GSE1: variants seen among roughly 807,000 people sequenced by gnomAD.
GSE1 encodes the protein genetic suppressor element 1.
Under a neutral mutation model 112.6 loss-of-function variants are expected in GSE1, and 32 were observed. That is an observed-to-expected ratio of 0.28 (90% CI 0.21 to 0.38). The LOEUF is 0.38. Among genes scored for constraint, GSE1 ranks in the 10% least tolerant of loss-of-function variants. GSE1 has a pLI of 1.00. For missense variants in GSE1, 2,348 were observed against 1,699.2 expected (o/e 1.38, Z -6.71); for synonymous variants, 1,115 against 735.6 (o/e 1.52, Z -8.35).
intron 1 of GSE1, among the ~76,000 whole-genome samples, chr16:85,188,478 A>C (rs2074755284): frequency 6.6e-6 from 1 of 152,114 alleles, no homozygotes; most frequent in South Asian, 2.1e-4. Context: ...CTTTTAGTCC[A>C]GGTGAATCAG....
rs1480988927 is a variant in GSE1, at chr16:85,604,967, T to G, written c.38-43585T>G. Among the ~76,000 whole-genome samples, 44 of 143,178 alleles carry G rather than the reference T, an allele frequency of 3.1e-4. 1 individual carries two copies. The East Asian group carries it at 3.4e-3, about 11-fold the overall frequency. 93.9% of individuals were successfully genotyped at this position (143,178 alleles called of 152,430 possible). ...CGAGTAGCTGGGACTACAGGCGCCC[T>G]CCACCACGCCCGGCTAGTTTTTTGT... On this transcript the variant is annotated intron_variant, in intron 1 of 2. Transcript: ENST00000635906.
intron 1 of GSE1, among the ~76,000 whole-genome samples, chr16:85,349,570 C>T (rs2046811499): frequency 6.6e-6 from 1 of 152,048 alleles, no homozygotes; most frequent in South Asian, 2.1e-4. Context: ...GGGAGGTGCT[C>T]CTGGGCTGGC....
intron 2 of GSE1, among the ~76,000 whole-genome samples, chr16:85,642,842 C>A (rs1189797697): frequency 6.6e-6 from 1 of 152,184 alleles, no homozygotes; most frequent in Non-Finnish European, 1.5e-5. Context: ...GTGCCCTGCC[C>A]TCCCCTTTCC....
At chr16:85,605,593 G>T (rs2047670109) in intron 1 of GSE1, among the ~76,000 whole-genome samples, 2 of 152,102 alleles carry the variant, frequency 1.3e-5, no homozygotes, top group East Asian at 3.9e-4. Context: ...AAGGAAACGG[G>T]TGTGCAGTGG....
chr16:85,324,522 A>AG (rs2046185359), intron 1 of GSE1, among the ~76,000 whole-genome samples: 1 of 151,998 alleles, frequency 6.6e-6, no homozygotes, highest in Non-Finnish European at 1.5e-5. Flanking sequence ...AAAAAAAAAA[A>AG]AAAAGAAAAA....
In GSE1 at chr16:85,264,853, G is replaced by A. The variant is rs548821216; in HGVS notation, c.2284-92610G>A. On this transcript the variant is annotated intron_variant, in intron 1 of 2. Coordinates refer to the GSE1 transcript ENST00000637419. ...GGTGAGGGGGTTGGGCTGAGTCCTCGCATTTGGAGATCAGACGCCCTGGGT... is the reference window on the plus strand; with the variant it reads ...GGTGAGGGGGTTGGGCTGAGTCCTCACATTTGGAGATCAGACGCCCTGGGT... Among the ~76,000 whole-genome samples, 80 of 152,298 alleles carry A rather than the reference G, an allele frequency of 5.3e-4. 1 individual carries two copies. Among genetic ancestry groups the A allele is most frequent in the African/African-American group, 1.9e-3 (78 of 41,554 alleles).
At chr16:85,354,937 G>A (rs897956902) in intron 1 of GSE1, among the ~76,000 whole-genome samples, 2 of 152,226 alleles carry the variant, frequency 1.3e-5, no homozygotes, top group Non-Finnish European at 2.9e-5. Context: ...GTCCTGATGG[G>A]CTTACCCTGG....
chr16:85,657,513 G>T lies in GSE1; in HGVS notation c.1549G>T (p.Glu517Ter). 6.2e-7 allele frequency: 1 copy of T among 1,605,236 alleles called. No individual in the cohort carries two copies. Among genetic ancestry groups the T allele is most frequent in the Non-Finnish European group, 8.5e-7 (1 of 1,176,402 alleles). ...GGAGGACCGGCAGTCTCAGGTGTCC[G>T]AGTTCCGGCAGCAGGTGCTGGAGCA... ...EKEDRQSQVS[E>*]FRQQVLEQHL... The change falls in exon 8 of 16, where the codon GAG (glutamate) becomes TAG (stop). Residue 517 changes from glutamate to a stop codon, truncating the protein, a stop_gained. Coordinates refer to ENST00000253458, the MANE Select transcript of GSE1 (RefSeq NM_014615.5). LOFTEE classifies it high-confidence loss of function.
chr16:85,633,426 C>A (rs1296266148), intron 1 of GSE1, among the ~76,000 whole-genome samples: 1 of 152,228 alleles, frequency 6.6e-6, no homozygotes, highest in Non-Finnish European at 1.5e-5. Flanking sequence ...GCCATGCGTG[C>A]CTGGCATCGT....
chr16:85,656,385 G>C lies in GSE1; in HGVS notation c.1032G>C (p.Glu344Asp). 1 of 1,564,050 alleles carries C rather than the reference G, an allele frequency of 6.4e-7. No individual in the cohort carries two copies. The highest frequency in any genetic ancestry group is 8.7e-7 in the Non-Finnish European group (1 of 1,150,218). ...AGCTAAGGCGGGAGAGGGAGCGCGA[G>C]CGCGAGCGCGAGCGTGAGCGTGAGG... ...DEELRRERER[E>D]REREREREAD... The change falls in exon 7 of 16, where the codon GAG becomes GAC. Residue 344 changes from glutamate (E) to aspartate (D), a missense_variant. Physicochemically the swap from Glu to Asp is conservative, Grantham distance 45 (BLOSUM62 2). Coordinates refer to ENST00000253458, the MANE Select transcript of GSE1 (RefSeq NM_014615.5).
At chr16:85,330,623 G>A (rs1214674824) in intron 1 of GSE1, among the ~76,000 whole-genome samples, 1 of 152,240 alleles carries the variant, frequency 6.6e-6, no homozygotes, top group South Asian at 2.1e-4. Flanking sequence ...GATCCAGGAA[G>A]CGTGCAGGTG....
upstream of GSE1, chr16:85,555,848 TA>T: frequency 1.1e-6 from 1 of 907,116 alleles, no homozygotes; most frequent in Non-Finnish European, 1.3e-6. Flanking sequence ...TTCAAATGAG[TA>T]ATCCCTGAAG....
In GSE1 at chr16:85,345,008, C is replaced by T. The variant is rs570061637; in HGVS notation, c.2284-12455C>T. Among the ~76,000 whole-genome samples, 19 of 152,368 alleles carry T rather than the reference C, an allele frequency of 1.2e-4. No individual in the cohort carries two copies. In the South Asian group the frequency reaches 3.9e-3, roughly 32 times the overall value. ...TCAGCCGCCCCCTCCCACAGGCCCT[C>T]CTCCCTGACGGGTTTTGCCTACAAG... On this transcript the variant is annotated intron_variant, in intron 1 of 2. Coordinates refer to the GSE1 transcript ENST00000637419.
chr16:85,491,029 C>T (rs772694479), intron 2 of GSE1, among the ~76,000 whole-genome samples: 23 of 152,274 alleles, frequency 1.5e-4, no homozygotes, highest in Admixed American at 9.1e-4. Context: ...TGCCTCTGGC[C>T]GCCAGGGTAC....
Position 85,665,966 on chromosome 16 carries a change from T to C in GSE1, c.2759-10T>C, listed in dbSNP as rs10163437. 174 of 1,612,598 alleles carry C rather than the reference T, an allele frequency of 1.1e-4. 1 individual carries two copies. In the African/African-American group the frequency reaches 2.2e-3, roughly 20 times the overall value. On this transcript the variant is annotated splice_polypyrimidine_tract_variant and intron_variant, in intron 12 of 15. Coordinates refer to ENST00000253458, the MANE Select transcript of GSE1 (RefSeq NM_014615.5). ...TTTCTTAATATTTTCCTTCACTTTGTCTCTAAAAGAACCAGCCACGCAGCA... is the reference window on the plus strand; with the variant it reads ...TTTCTTAATATTTTCCTTCACTTTGCCTCTAAAAGAACCAGCCACGCAGCA...
At chr16:85,369,897 A>G (rs1441190750) in intron 2 of GSE1, among the ~76,000 whole-genome samples, 1 of 152,170 alleles carries the variant, frequency 6.6e-6, no homozygotes, top group East Asian at 1.9e-4. Context: ...CTGCAGGGGC[A>G]AACTGGGCCC....
intron 2 of GSE1, among the ~76,000 whole-genome samples, chr16:85,395,526 G>A (rs1035742835): frequency 4.6e-5 from 7 of 152,140 alleles, no homozygotes; most frequent in African/African-American, 7.2e-5. Context: ...TGGCATGTTC[G>A]CTGCCTGGAA....
intron 1 of GSE1, among the ~76,000 whole-genome samples, chr16:85,602,573 C>G (rs2047514671): frequency 6.6e-6 from 1 of 152,016 alleles, no homozygotes; most frequent in African/African-American, 2.4e-5. Context: ...GCTCCAGAAC[C>G]CGGCCTCCTG....
intron 1 of GSE1, among the ~76,000 whole-genome samples, chr16:85,250,370 G>C (rs905923461): frequency 6.6e-6 from 1 of 152,194 alleles, no homozygotes; most frequent in Non-Finnish European, 1.5e-5. Context: ...TTTACAAACA[G>C]AGCAGCTTGT....
Sources: allele counts gnomAD v4.1 joint callset (sites outside exome capture counted in the v4.1 genomes callset), GRCh38; gene constraint gnomAD v4.1.1; transcripts MANE v1.5; gene names NCBI Gene and HGNC (gene_info 2026-07-23, HGNC 2026-07-21).